Variants in SEMA3A observed in about 807,000 individuals in gnomAD.
SEMA3A encodes the protein semaphorin-3A.
SEMA3A carries 29 observed loss-of-function variants against 97.9 expected under a neutral mutation model. That is an observed-to-expected ratio of 0.30 (90% confidence interval 0.22 to 0.40). SEMA3A has a LOEUF of 0.40. Ranked by LOEUF, SEMA3A falls within the 10% of genes least tolerant of loss-of-function variation. SEMA3A has a pLI of 1.00. For missense variants in SEMA3A, 763 were observed against 951.3 expected, an observed-to-expected ratio of 0.80 and a Z score of 2.60; for synonymous variants, 321 against 323.7, an observed-to-expected ratio of 0.99 and a Z score of 0.09.
chr7:84,100,490 T>C (rs1332232912), intron 4 of SEMA3A, among the ~76,000 whole-genome samples: 1 of 152,164 alleles, frequency 6.6e-6, no homozygotes, highest in Non-Finnish European at 1.5e-5. Context: ...CATCAGATTT[T>C]GTGATAATTA....
chr7:84,408,632 T>A (rs895798385), intron 1 of SEMA3A, among the ~76,000 whole-genome samples: 17 of 151,986 alleles, frequency 1.1e-4, no homozygotes, highest in Middle Eastern at 3.4e-3. Context: ...AGCAAAGACT[T>A]AGAACCAACC....
At chr7:84,102,296 TCTTGA>T (rs1202287810) in intron 4 of SEMA3A, among the ~76,000 whole-genome samples, 2 of 152,214 alleles carry the variant, frequency 1.3e-5, no homozygotes, top group Non-Finnish European at 2.9e-5. Context: ...TAAGAGAGTT[TCTTGA>T]CTTATTTTTT....
At chr7:84,047,322 T>G (rs1410971298) in intron 5 of SEMA3A, among the ~76,000 whole-genome samples, 1 of 152,068 alleles carries the variant, frequency 6.6e-6, no homozygotes, top group Non-Finnish European at 1.5e-5. Context: ...CACTCTGTGT[T>G]TGTCAGCCAG....
At chr7:84,262,575 A>G (rs1368135893) in intron 3 of SEMA3A, among the ~76,000 whole-genome samples, 1 of 152,198 alleles carries the variant, frequency 6.6e-6, no homozygotes, top group Non-Finnish European at 1.5e-5. Context: ...TTTAAAAGAG[A>G]TGGAAACTCT....
intron 1 of SEMA3A, among the ~76,000 whole-genome samples, chr7:84,151,466 G>A (rs376289695): frequency 1.9e-4 from 29 of 151,826 alleles, no homozygotes; most frequent in African/African-American, 4.6e-4. Flanking sequence ...GAGCCGATGC[G>A]ATCAACTGGA....
Position 84,084,954 on chromosome 7 carries a change from C to T in SEMA3A, c.454-24396G>A, listed in dbSNP as rs568296674. Reference sequence around the variant, plus strand: ...GGGAAAAATGGAAAACTTAGCTTTACAGTTGATTACTAAAGAGCCACAACA... The same window carrying T: ...GGGAAAAATGGAAAACTTAGCTTTATAGTTGATTACTAAAGAGCCACAACA... On this transcript the variant is annotated intron_variant, in intron 4 of 16. Coordinates refer to ENST00000265362, the MANE Select transcript of SEMA3A (RefSeq NM_006080.3). Among the ~76,000 whole-genome samples, 20 of 151,466 alleles carry T rather than the reference C, an allele frequency of 1.3e-4. No individual in the cohort carries two copies. The East Asian group carries it at 3.9e-3, about 29-fold the overall frequency.
At chr7:84,328,597 G>T (rs148255908) in intron 2 of SEMA3A, among the ~76,000 whole-genome samples, 1 of 152,102 alleles carries the variant, frequency 6.6e-6, no homozygotes, top group East Asian at 1.9e-4. Flanking sequence ...TGAATCAGTC[G>T]ATTATAACTG....
At chr7:84,411,560 G>C (rs1804267248) in intron 1 of SEMA3A, among the ~76,000 whole-genome samples, 1 of 120,872 alleles carries the variant, frequency 8.3e-6, no homozygotes, top group Non-Finnish European at 1.6e-5. Flanking sequence ...TTGACATTTG[G>C]GTATAATTAT....
intron 1 of SEMA3A, among the ~76,000 whole-genome samples, chr7:84,171,888 A>T (rs1797393435): frequency 6.6e-6 from 1 of 152,166 alleles, no homozygotes; most frequent in Admixed American, 6.5e-5. Flanking sequence ...GTGTCATGAG[A>T]ATAACAATTC....
At chr7:84,492,080 A>G (rs900074173) in intron 1 of SEMA3A, among the ~76,000 whole-genome samples, 1 of 152,180 alleles carries the variant, frequency 6.6e-6, no homozygotes, top group Non-Finnish European at 1.5e-5. Flanking sequence ...CATTTTCAAG[A>G]AGGGTATGTG....
chr7:84,103,348 T>C (rs1166638763), intron 4 of SEMA3A, among the ~76,000 whole-genome samples: 1 of 152,168 alleles, frequency 6.6e-6, no homozygotes, highest in Non-Finnish European at 1.5e-5. Context: ...AGGAGCATTT[T>C]TGGCATTTAA....
intron 3 of SEMA3A, among the ~76,000 whole-genome samples, chr7:84,288,805 GAA>G: frequency 6.6e-6 from 1 of 152,176 alleles, no homozygotes; most frequent in East Asian, 1.9e-4. Flanking sequence ...AGCCATTTTA[GAA>G]AAGAGTATGA....
At chr7:84,340,219 G>A (rs899979189) in intron 2 of SEMA3A, among the ~76,000 whole-genome samples, 50 of 152,108 alleles carry the variant, frequency 3.3e-4, no homozygotes, top group African/African-American at 1.2e-3. Context: ...AATTTGAGAA[G>A]GTGACATTTT....
intron 2 of SEMA3A, among the ~76,000 whole-genome samples, chr7:84,311,351 T>C (rs1028042680): frequency 6.6e-6 from 1 of 151,984 alleles, no homozygotes; most frequent in Non-Finnish European, 1.5e-5. Context: ...AATAAATGTA[T>C]GTATTTGAGT....
intron 1 of SEMA3A, among the ~76,000 whole-genome samples, chr7:84,423,153 A>G (rs1467819192): frequency 6.6e-6 from 1 of 152,092 alleles, no homozygotes; most frequent in African/African-American, 2.4e-5. Context: ...CACAAATCAA[A>G]ACATTTTCTA....
intron 5 of SEMA3A, among the ~76,000 whole-genome samples, chr7:84,055,038 A>G (rs1287816515): frequency 6.6e-6 from 1 of 152,084 alleles, no homozygotes; most frequent in Non-Finnish European, 1.5e-5. Context: ...TCAGGGACCC[A>G]CTTGAGGAGG....
chr7:84,069,591 G>T (rs999813713), intron 4 of SEMA3A, among the ~76,000 whole-genome samples: 11 of 151,920 alleles, frequency 7.2e-5, no homozygotes, highest in Non-Finnish European at 1.3e-4. Flanking sequence ...TAGATGAGAA[G>T]ATAATTGAAA....
intron 2 of SEMA3A, among the ~76,000 whole-genome samples, chr7:84,326,033 T>A (rs1801767679): frequency 6.6e-6 from 1 of 152,124 alleles, no homozygotes; most frequent in Admixed American, 6.6e-5. Context: ...TTATTTCACT[T>A]ATCATAATGT....
chr7:84,209,412 T>A (rs1025952467), intron 3 of SEMA3A, among the ~76,000 whole-genome samples: 4 of 152,176 alleles, frequency 2.6e-5, no homozygotes, highest in Non-Finnish European at 5.9e-5. Flanking sequence ...TACAGTATGA[T>A]GAGGGAAACC....
Sources: gnomAD v4.1 joint callset for allele counts (sites outside exome capture counted in the v4.1 genomes callset) on GRCh38, gnomAD v4.1.1 for gene constraint, MANE v1.5 for transcripts, NCBI Gene and HGNC (gene_info 2026-07-23, HGNC 2026-07-21) for gene names.